The following CA1 variants were observed in gnomAD, a reference collection of about 807,000 sequenced individuals.
CA1 encodes the protein carbonic anhydrase 1.
CA1 carries 27 observed loss-of-function variants against 28.8 expected under a neutral mutation model. The ratio of observed to expected loss-of-function variants is 0.94; its 90% CI spans 0.69 to 1.29. The LOEUF is 1.29. Among genes scored for constraint, CA1 ranks in the 50% most tolerant of loss-of-function variants. The pLI, the probability that CA1 is intolerant of heterozygous loss-of-function variation, is 0.00. For missense variants in CA1, 335 were observed against 310.5 expected (o/e 1.08, Z -0.59); for synonymous variants, 121 against 108.8 (o/e 1.11, Z -0.70).
intron 1 of CA1, among the ~76,000 whole-genome samples, chr8:85,363,829 A>G (rs902896027): frequency 3.9e-5 from 6 of 152,180 alleles, no homozygotes; most frequent in Non-Finnish European, 8.8e-5. Flanking sequence ...GGAATTTTCA[A>G]CAGCTTCCCA....
intron 1 of CA1, among the ~76,000 whole-genome samples, chr8:85,373,189 T>C (rs1220042898): frequency 6.6e-6 from 1 of 152,212 alleles, no homozygotes; most frequent in Non-Finnish European, 1.5e-5. Context: ...CAGTGCAAGA[T>C]GGGTGTTTCG....
At chr8:85,354,664 C>A (rs1431456699) in intron 1 of CA1, among the ~76,000 whole-genome samples, 1 of 152,132 alleles carries the variant, frequency 6.6e-6, no homozygotes, top group Non-Finnish European at 1.5e-5. Context: ...CAGCTTCTGA[C>A]TGAAGGGTGT....
At chr8:85,340,457 C>T (rs948073605) in intron 2 of CA1, among the ~76,000 whole-genome samples, 1 of 152,194 alleles carries the variant, frequency 6.6e-6, no homozygotes, top group Non-Finnish European at 1.5e-5. Flanking sequence ...TGCACCTGGT[C>T]ACCCAGGAGC....
At chr8:85,345,326 C>G (rs1809134598) in intron 1 of CA1, among the ~76,000 whole-genome samples, 1 of 152,198 alleles carries the variant, frequency 6.6e-6, no homozygotes, top group Non-Finnish European at 1.5e-5. Flanking sequence ...TTAGAAATGA[C>G]TTTCCTGAAC....
Position 85,351,201 on chromosome 8 carries a change from A to G in CA1, c.-24-9542T>C, listed in dbSNP as rs146136523. Among the ~76,000 whole-genome samples, 45 of 152,362 alleles carry G rather than the reference A, an allele frequency of 3.0e-4. No individual in the cohort carries two copies. In the East Asian group the frequency reaches 8.3e-3, roughly 28 times the overall value. On this transcript the variant is annotated intron_variant, in intron 1 of 7. Transcript: ENST00000523022. The stretch of plus-strand genomic sequence containing the variant: ...TTAGTAAAGGCCAGTGACTTCTTCC[A>G]AGGGAGCATTGACTGTTTATGTAGT...
intron 1 of CA1, among the ~76,000 whole-genome samples, chr8:85,369,366 C>T (rs1177792895): frequency 2.0e-5 from 3 of 152,062 alleles, no homozygotes; most frequent in East Asian, 1.9e-4. Flanking sequence ...GAGATTACCC[C>T]GGCTTGCCTA....
At chr8:85,336,280 G>A (rs1388824470) in intron 4 of CA1, among the ~76,000 whole-genome samples, 1 of 152,100 alleles carries the variant, frequency 6.6e-6, no homozygotes, top group Non-Finnish European at 1.5e-5. Context: ...CTGCATATAT[G>A]GGTACACATG....
At chr8:85,373,886 A>G (rs934679560) in intron 1 of CA1, among the ~76,000 whole-genome samples, 16 of 152,224 alleles carry the variant, frequency 1.1e-4, no homozygotes, top group African/African-American at 2.9e-4. Flanking sequence ...AGTCAAATTT[A>G]TAGAGCTAGA....
intron 1 of CA1, among the ~76,000 whole-genome samples, chr8:85,349,178 C>T (rs1285104735): frequency 6.6e-6 from 1 of 152,116 alleles, no homozygotes; most frequent in South Asian, 2.1e-4. Context: ...TTTAGAATAG[C>T]CCAATAGAAT....
intron 1 of CA1, among the ~76,000 whole-genome samples, chr8:85,353,065 G>T (rs1173546093): frequency 6.6e-6 from 1 of 152,192 alleles, no homozygotes; most frequent in African/African-American, 2.4e-5. Flanking sequence ...GCTGCTTTGA[G>T]CCAGAACCAA....
chr8:85,329,052 G>C (rs1331308891), intron 7 of CA1, among the ~76,000 whole-genome samples: 3 of 152,100 alleles, frequency 2.0e-5, no homozygotes, highest in Non-Finnish European at 4.4e-5. Context: ...CTGTGTTGTT[G>C]TGAAGATTAA....
At position 85,328,380 on chromosome 8, in the gene CA1, A is replaced by G; in HGVS notation, c.*180T>C. On this transcript the variant is annotated 3_prime_UTR_variant, in exon 8 of 8. Transcript: ENST00000523022. ...ATTACTATTTGCTAGCTTACTAATT[A>G]TTATTTGAATTAAGCAGTAAGAACT... 2.2e-6 allele frequency: 1 copy of G among 464,456 alleles called. No homozygotes were observed. Among genetic ancestry groups the G allele is most frequent in the Non-Finnish European group, 3.8e-6 (1 of 262,556 alleles). The allele number at this position is 464,456 out of a possible 1,614,324, so 28.8% of individuals were successfully genotyped here.
intron 1 of CA1, among the ~76,000 whole-genome samples, chr8:85,347,946 G>A (rs1022368109): frequency 6.6e-6 from 1 of 152,162 alleles, no homozygotes; most frequent in African/African-American, 2.4e-5. Flanking sequence ...TTATACTGAA[G>A]TGATGTATAA....
chr8:85,329,202 G>A (rs558392283), intron 7 of CA1, among the ~76,000 whole-genome samples: 2 of 152,238 alleles, frequency 1.3e-5, no homozygotes, highest in South Asian at 2.1e-4. Flanking sequence ...TGTAAGGCAC[G>A]TAATAAACAT....
intron 3 of CA1, 125 bp downstream of exon 3, chr8:85,338,127 G>T: frequency 1.1e-6 from 1 of 927,302 alleles, no homozygotes; most frequent in South Asian, 1.3e-5. Context: ...TGCCTCACTA[G>T]ATTACAGCAA....
chr8:85,338,995 C>T (rs752949427), intron 2 of CA1, among the ~76,000 whole-genome samples: 4 of 152,044 alleles, frequency 2.6e-5, no homozygotes, highest in Non-Finnish European at 5.9e-5. Context: ...GGATTACAAG[C>T]ATGAGCCACT....
In CA1 at chr8:85,353,067, C is replaced by G. The variant is rs1442248595; in HGVS notation, c.-24-11408G>C. On this transcript the variant is annotated intron_variant, in intron 1 of 7. Transcript: ENST00000523022. ...GGGGAGAGTACAGGCTGCTTTGAGC[C>G]AGAACCAAAGGGCACTGTGTGCTCT... Among the ~76,000 whole-genome samples the G allele has an allele frequency of 2.6e-5, 4 of 152,142 alleles. No homozygotes were observed. In the East Asian group the frequency reaches 7.7e-4, roughly 29 times the overall value.
At chr8:85,340,802 G>C (rs1324104180) in intron 2 of CA1, among the ~76,000 whole-genome samples, 1 of 152,064 alleles carries the variant, frequency 6.6e-6, no homozygotes, top group African/African-American at 2.4e-5. Flanking sequence ...CCACTATCCT[G>C]ATCAGTCAGC....
intron 1 of CA1, among the ~76,000 whole-genome samples, chr8:85,369,082 C>A (rs149187012): frequency 3.3e-5 from 5 of 152,258 alleles, no homozygotes; most frequent in South Asian, 2.1e-4. Flanking sequence ...AGCCTTGAAC[C>A]CTGATCTCTG....
Sources: allele counts gnomAD v4.1 joint callset (sites outside exome capture counted in the v4.1 genomes callset), GRCh38; gene constraint gnomAD v4.1.1; transcripts MANE v1.5; gene names NCBI Gene and HGNC (gene_info 2026-07-23, HGNC 2026-07-21).